MYO9A: variants seen among roughly 807,000 people sequenced by gnomAD.
The protein encoded by MYO9A is myosin IXA, also known as unconventional myosin-IXa.
In MYO9A, 103 loss-of-function variants were observed where a neutral mutation model predicts 293.3. That is an observed-to-expected ratio of 0.35 (90% CI 0.30 to 0.41). The LOEUF is 0.41. Among genes scored for constraint, MYO9A ranks in the 10% least tolerant of loss-of-function variants. MYO9A has a pLI of 1.00. For synonymous variants in MYO9A, 1,001 were observed against 1,035.7 expected (o/e 0.97, Z 0.64); for missense variants, 2,685 against 3,033.0 (o/e 0.89, Z 2.69).
intron 25 of MYO9A, among the ~76,000 whole-genome samples, chr15:71,895,183 T>G (rs1435930746): frequency 6.6e-6 from 1 of 152,220 alleles, no homozygotes; most frequent in Non-Finnish European, 1.5e-5. Flanking sequence ...TCCTAGCTTG[T>G]TCTAAAGGAT....
At chr15:71,970,147 C>T (rs2075973969) in intron 12 of MYO9A, among the ~76,000 whole-genome samples, 1 of 152,196 alleles carries the variant, frequency 6.6e-6, no homozygotes, top group Admixed American at 6.5e-5. Context: ...TGAGATTCTA[C>T]ATTTCTAACA....
chr15:71,877,795 G>A (rs2056739771), intron 31 of MYO9A, among the ~76,000 whole-genome samples: 1 of 152,162 alleles, frequency 6.6e-6, no homozygotes, highest in South Asian at 2.1e-4. Flanking sequence ...CTTGAGGGCA[G>A]AACATTATGT....
intron 6 of MYO9A, among the ~76,000 whole-genome samples, chr15:72,013,421 T>C (rs1239600248): frequency 6.6e-6 from 1 of 152,224 alleles, no homozygotes; most frequent in Non-Finnish European, 1.5e-5. Flanking sequence ...AGGATCCAAA[T>C]ACTGGTCAGC....
chr15:71,944,624 T>G (rs2058862568), intron 15 of MYO9A, among the ~76,000 whole-genome samples: 1 of 152,146 alleles, frequency 6.6e-6, no homozygotes, highest in Non-Finnish European at 1.5e-5. Context: ...CCCCACTAAA[T>G]TATCTTGGTG....
intron 15 of MYO9A, among the ~76,000 whole-genome samples, chr15:71,942,847 T>C (rs1461659603): frequency 6.6e-6 from 1 of 152,028 alleles, no homozygotes; most frequent in Non-Finnish European, 1.5e-5. Flanking sequence ...GCTTTATATA[T>C]ACATTTACCA....
chr15:72,099,296 T>C (rs1402732489), intron 1 of MYO9A, among the ~76,000 whole-genome samples: 3 of 151,816 alleles, frequency 2.0e-5, no homozygotes, highest in Admixed American at 1.3e-4. Context: ...AAAAGTCAGC[T>C]AGGTGTAGTG....
chr15:72,082,093 T>A (rs1419874269), intron 1 of MYO9A, among the ~76,000 whole-genome samples: 1 of 152,202 alleles, frequency 6.6e-6, no homozygotes, highest in Non-Finnish European at 1.5e-5. Context: ...TTGATAGGAA[T>A]AGCACTGAAT....
chr15:72,103,250 CAGA>C (rs2080427601), intron 1 of MYO9A, among the ~76,000 whole-genome samples: 3 of 138,294 alleles, frequency 2.2e-5, no homozygotes, highest in Admixed American at 2.1e-4. Flanking sequence ...GCAGCAGCAG[CAGA>C]AGGAGAAGCA....
At position 71,897,913 on chromosome 15, in the gene MYO9A, G is replaced by A; in HGVS notation, c.4590C>T (p.Phe1530=). The A allele has an allele frequency of 1.2e-6, 2 of 1,614,132 alleles. No homozygotes were observed. The highest frequency in any genetic ancestry group is 1.7e-6 in the Non-Finnish European group (2 of 1,180,026). ...CAATTCTTGGCTTTTCAATTGTCTT[G>A]AAGGCTTTGCGCTCCTTCTCTAAAA... ...TDILEKERKA[F]KTIEKPRIGE... Residue 1530 remains phenylalanine (F), a synonymous_variant, in exon 25 of 42, where the codon TTC becomes TTT. Coordinates refer to ENST00000356056, the MANE Select transcript of MYO9A (RefSeq NM_006901.4).
chr15:71,833,511 A>AGAC, intron 39 of MYO9A, among the ~76,000 whole-genome samples: 1 of 152,254 alleles, frequency 6.6e-6, no homozygotes, highest in Middle Eastern at 3.4e-3. Flanking sequence ...TTTAAAAAAT[A>AGAC]GACTATAATC....
chr15:71,995,795 CAT>C (rs1474262821), intron 9 of MYO9A, among the ~76,000 whole-genome samples: 2 of 151,954 alleles, frequency 1.3e-5, no homozygotes, highest in Non-Finnish European at 2.9e-5. Flanking sequence ...GCTGCATAAT[CAT>C]GACTAAGTTA....
chr15:72,024,357 C>A (rs914018572), intron 4 of MYO9A, among the ~76,000 whole-genome samples: 4 of 152,182 alleles, frequency 2.6e-5, no homozygotes, highest in Admixed American at 1.3e-4. Flanking sequence ...GATCTCGACT[C>A]ACTGCAACCT....
In MYO9A at chr15:72,101,797, G is replaced by A. The variant is rs1166594783; in HGVS notation, c.-72+15883C>T. ...GAGGAGCCCCTCTGCCAGGCCAGCC[G>A]CCCCGTCCGGGAGGGAGGTGGCGGG... On this transcript the variant is annotated intron_variant, in intron 1 of 41. Coordinates refer to ENST00000356056, the MANE Select transcript of MYO9A (RefSeq NM_006901.4). Among the ~76,000 whole-genome samples, 5 of 136,530 alleles carry A rather than the reference G, an allele frequency of 3.7e-5. No individual in the cohort carries two copies. The East Asian group carries it at 9.4e-4, about 26-fold the overall frequency. 89.6% of individuals were successfully genotyped at this position (136,530 alleles called of 152,430 possible). A position where few individuals can be genotyped will look rare whatever the true frequency, so the allele number is the denominator to read the frequency against.
chr15:71,906,894 G>A (rs1596159539), intron 19 of MYO9A, among the ~76,000 whole-genome samples: 1 of 147,352 alleles, frequency 6.8e-6, no homozygotes, highest in African/African-American at 2.5e-5. Flanking sequence ...CTCCCGATTA[G>A]CTGGGACTAC....
At chr15:71,947,049 C>T (rs2058933850) in intron 15 of MYO9A, among the ~76,000 whole-genome samples, 2 of 152,034 alleles carry the variant, frequency 1.3e-5, no homozygotes, top group Non-Finnish European at 2.9e-5. Context: ...CCAAGGAGGT[C>T]AAGGCTGCAA....
intron 33 of MYO9A, among the ~76,000 whole-genome samples, chr15:71,861,679 T>TA (rs66598621): frequency 0.069 from 5,725 of 82,730 alleles, 163 homozygotes; most frequent in African/African-American, 0.11. Context: ...ACTGATGATA[T>TA]AAAAAAAAAA....
At chr15:72,107,812 C>T (rs68153189) in intron 1 of MYO9A, among the ~76,000 whole-genome samples, 1,898 of 147,700 alleles carry the variant, frequency 0.013, 61 homozygotes, top group Admixed American at 0.057. Context: ...AAAAAAAAAA[C>T]GTCTGCAAAT....
intron 17 of MYO9A, among the ~76,000 whole-genome samples, chr15:71,934,068 C>T (rs2058557987): frequency 6.6e-6 from 1 of 152,068 alleles, no homozygotes; most frequent in Non-Finnish European, 1.5e-5. Context: ...AATGAGATGT[C>T]TAAGTTTCAT....
intron 6 of MYO9A, among the ~76,000 whole-genome samples, chr15:72,014,430 A>C (rs957505287): frequency 1.3e-5 from 2 of 152,220 alleles, no homozygotes; most frequent in Admixed American, 6.5e-5. Context: ...TCATGCCTAT[A>C]ATCCCAGCAC....
Sources: allele counts gnomAD v4.1 joint callset (sites outside exome capture counted in the v4.1 genomes callset), GRCh38; gene constraint gnomAD v4.1.1; transcripts MANE v1.5; gene names NCBI Gene and HGNC (gene_info 2026-07-23, HGNC 2026-07-21).